The following CPA6 variants were observed in gnomAD, a reference collection of about 807,000 sequenced individuals.
CPA6 encodes carboxypeptidase B.
In CPA6, 58 loss-of-function variants were observed where a neutral mutation model predicts 63.3. The observed-to-expected ratio is 0.92, with a 90% CI of 0.74 to 1.14. The LOEUF is 1.14. CPA6 is among the 50% of genes most tolerant of loss of function. The pLI is 0.00. For missense variants in CPA6, 565 were observed against 526.6 expected, an observed-to-expected ratio of 1.07 and a Z score of -0.71; for synonymous variants, 185 against 179.0, an observed-to-expected ratio of 1.03 and a Z score of -0.27.
At chr8:67,565,813 G>A (rs1813323788) in intron 2 of CPA6, among the ~76,000 whole-genome samples, 1 of 152,136 alleles carries the variant, frequency 6.6e-6, no homozygotes, top group Non-Finnish European at 1.5e-5. Flanking sequence ...AGGAAGATGA[G>A]ATCTCTCTGA....
chr8:67,520,213 C>G (rs116368591), intron 2 of CPA6, among the ~76,000 whole-genome samples: 2 of 152,056 alleles, frequency 1.3e-5, no homozygotes, highest in African/African-American at 4.8e-5. Flanking sequence ...TATGAATTAC[C>G]ACTCTGGAGA....
At chr8:67,594,023 G>T (rs966933764) in intron 2 of CPA6, among the ~76,000 whole-genome samples, 38 of 151,344 alleles carry the variant, frequency 2.5e-4, no homozygotes, top group African/African-American at 8.7e-4. Flanking sequence ...GGCTGGTACT[G>T]GTTGTGCCTT....
At chr8:67,543,689 T>C (rs1469702964) in intron 2 of CPA6, among the ~76,000 whole-genome samples, 1 of 152,168 alleles carries the variant, frequency 6.6e-6, no homozygotes, top group Non-Finnish European at 1.5e-5. Flanking sequence ...GTACTATACA[T>C]GTATATGTTC....
intron 8 of CPA6, 95 bp downstream of exon 8, chr8:67,483,673 C>T (rs747500092): frequency 1.0e-6 from 1 of 979,252 alleles, no homozygotes. Context: ...TACAGAAAAA[C>T]ATGAGTCTCC....
intron 2 of CPA6, among the ~76,000 whole-genome samples, chr8:67,555,735 T>C (rs1222921076): frequency 6.6e-6 from 1 of 152,070 alleles, no homozygotes; most frequent in East Asian, 1.9e-4. Flanking sequence ...ACTTGTGAGG[T>C]CTCTGCTAAC....
At chr8:67,637,216 G>A (rs1010171142) in intron 1 of CPA6, among the ~76,000 whole-genome samples, 2 of 151,604 alleles carry the variant, frequency 1.3e-5, no homozygotes, top group African/African-American at 4.9e-5. Flanking sequence ...TCTCACGGTA[G>A]CTCACATGTA....
At position 67,606,181 on chromosome 8, in the gene CPA6, T is replaced by G. The variant is rs376979294; in HGVS notation, c.192+17995A>C. On this transcript the variant is annotated intron_variant, in intron 2 of 10. Coordinates refer to ENST00000297770, the MANE Select transcript of CPA6 (RefSeq NM_020361.5). Reference sequence around the variant, plus strand: ...GGAACATCACACTCTGGGGACTGTTTTGGGGTGGGGGAGGGGGGAGGGATA... The same window carrying G: ...GGAACATCACACTCTGGGGACTGTTGTGGGGTGGGGGAGGGGGGAGGGATA... 2.5e-3 allele frequency among the ~76,000 whole-genome samples: 181 copies of G among 71,808 alleles called. 1 individual carries two copies. The highest frequency in any genetic ancestry group is 9.4e-3 in the African/African-American group (172 of 18,218). 47.1% of individuals were successfully genotyped at this position (71,808 alleles called of 152,430 possible). A position where few individuals can be genotyped will look rare whatever the true frequency, so the allele number is the denominator to read the frequency against.
chr8:67,705,145 G>A (rs1250618459), intron 1 of CPA6, among the ~76,000 whole-genome samples: 2 of 152,166 alleles, frequency 1.3e-5, no homozygotes, highest in African/African-American at 4.8e-5. Flanking sequence ...GGAAGGCAAT[G>A]TGCCTCAATG....
chr8:67,501,697 A>T (rs576770362), intron 6 of CPA6, among the ~76,000 whole-genome samples: 1 of 152,220 alleles, frequency 6.6e-6, no homozygotes, highest in East Asian at 1.9e-4. Context: ...TTCAAGAAGG[A>T]TATTGGTCTG....
At chr8:67,701,395 T>C (rs1288859677) in intron 1 of CPA6, among the ~76,000 whole-genome samples, 2 of 152,140 alleles carry the variant, frequency 1.3e-5, no homozygotes, top group Non-Finnish European at 2.9e-5. Flanking sequence ...AATAAACAGG[T>C]AATATTTAAA....
intron 9 of CPA6, among the ~76,000 whole-genome samples, chr8:67,431,868 C>T (rs569979434): frequency 6.6e-6 from 1 of 152,162 alleles, no homozygotes; most frequent in South Asian, 2.1e-4. Context: ...AGGCCCTCCA[C>T]AAGTCTTAGA....
intron 2 of CPA6, among the ~76,000 whole-genome samples, chr8:67,556,499 G>C (rs1813064228): frequency 6.6e-6 from 1 of 152,160 alleles, no homozygotes; most frequent in South Asian, 2.1e-4. Context: ...TTGGCCCCCA[G>C]CTCAGAACTT....
chr8:67,738,736 C>A (rs553316924), intron 1 of CPA6, among the ~76,000 whole-genome samples: 16 of 142,240 alleles, frequency 1.1e-4, no homozygotes, highest in South Asian at 9.2e-4. Context: ...CTACCTGGAA[C>A]AAGATCCTAA....
chr8:67,480,272 C>G (rs1450122227), intron 8 of CPA6, among the ~76,000 whole-genome samples: 1 of 152,070 alleles, frequency 6.6e-6, no homozygotes, highest in Non-Finnish European at 1.5e-5. Flanking sequence ...AGTATATTCA[C>G]AATTGTCACA....
In CPA6 at chr8:67,677,124, C is replaced by A. The variant is rs574100877; in HGVS notation, c.117-52873G>T. Among the ~76,000 whole-genome samples the A allele has an allele frequency of 1.8e-3, 276 of 152,280 alleles. 1 individual carries two copies. The highest frequency in any genetic ancestry group is 3.4e-3 in the Non-Finnish European group (234 of 68,016). On this transcript the variant is annotated intron_variant, in intron 1 of 10. Transcript: ENST00000297770. ...CGTCAGGAGTTGCACAGGGTACAAC[C>A]TTCGCAGTTTACCCAGAGGTCCTGG...
At chr8:67,594,977 T>G in intron 2 of CPA6, among the ~76,000 whole-genome samples, 1 of 152,164 alleles carries the variant, frequency 6.6e-6, no homozygotes, top group Non-Finnish European at 1.5e-5. Context: ...AGTTTCCAGT[T>G]TTTCTGCTCT....
At chr8:67,607,251 T>TCCTCCTCCTC (rs1564021548) in intron 2 of CPA6, among the ~76,000 whole-genome samples, 1 of 81,094 alleles carries the variant, frequency 1.2e-5, no homozygotes, top group African/African-American at 6.5e-5. Flanking sequence ...TTCTTCTTCT[T>TCCTCCTCCTC]CTCCTCCTCC....
intron 1 of CPA6, among the ~76,000 whole-genome samples, chr8:67,678,681 A>G (rs1816530494): frequency 6.6e-6 from 1 of 152,236 alleles, no homozygotes; most frequent in Non-Finnish European, 1.5e-5. Flanking sequence ...GTAAATTGGT[A>G]CAATCATTTT....
intron 5 of CPA6, 93 bp downstream of exon 5, chr8:67,509,424 A>C: frequency 1.6e-6 from 1 of 621,346 alleles, no homozygotes; most frequent in South Asian, 2.1e-5. Flanking sequence ...ACTCTATAAA[A>C]GATCATTTCA....
Sources: gnomAD v4.1 joint callset for allele counts (sites outside exome capture counted in the v4.1 genomes callset) on GRCh38, gnomAD v4.1.1 for gene constraint, MANE v1.5 for transcripts, NCBI Gene and HGNC (gene_info 2026-07-23, HGNC 2026-07-21) for gene names.